TMED5: variants seen among roughly 807,000 people sequenced by gnomAD.
TMED5 encodes transmembrane emp24 domain-containing protein 5.
Under a neutral mutation model 23.0 loss-of-function variants are expected in TMED5, and 27 were observed. The ratio of observed to expected loss-of-function variants is 1.17; its 90% confidence interval spans 0.86 to 1.62. TMED5 has a LOEUF of 1.62. TMED5 is among the 40% of genes most tolerant of loss of function. The probability of loss-of-function intolerance (pLI) is 0.00; values close to 1 mark genes in which losing one functional copy is unlikely to be tolerated. For synonymous variants in TMED5, 97 were observed against 100.8 expected (o/e 0.96, Z 0.23); for missense variants, 248 against 273.7 (o/e 0.91, Z 0.66).
At chr1:93,157,367 T>C (rs999854674) in intron 2 of TMED5, among the ~76,000 whole-genome samples, 1 of 152,182 alleles carries the variant, frequency 6.6e-6, no homozygotes, top group Non-Finnish European at 1.5e-5. Flanking sequence ...TGCCAAGTGC[T>C]GAAGAAAAAA....
chr1:93,162,505 G>A (rs4847402), intron 1 of TMED5: 80,258 of 152,300 alleles, frequency 0.53, 24,319 homozygotes, highest in South Asian at 0.68. Context: ...GCCGAGGCAG[G>A]AGAACTGCTT....
chr1:93,175,026 C>T (rs562676321), intron 1 of TMED5, among the ~76,000 whole-genome samples: 2 of 144,708 alleles, frequency 1.4e-5, no homozygotes, highest in Non-Finnish European at 3.0e-5. Context: ...TTGCTGGAGA[C>T]CCTATCTCTT....
rs1181952889 is a variant in TMED5 at position 93,169,491 on chromosome 1, C to A, written c.190-9265G>T. ...ATGTAAAATCAATAATGTAGACATC[C>A]ACCTTAGGAAGCCAGAGAAAGAACA... On this transcript the variant is annotated intron_variant, in intron 1 of 3. Transcript: ENST00000370282. Among the ~76,000 whole-genome samples, 7 of 151,244 alleles carry A rather than the reference C, an allele frequency of 4.6e-5. No individual in the cohort carries two copies. In the East Asian group the frequency reaches 1.4e-3, roughly 29 times the overall value.
intron 1 of TMED5, among the ~76,000 whole-genome samples, chr1:93,165,174 C>T (rs1459570751): frequency 1.3e-5 from 2 of 152,158 alleles, no homozygotes; most frequent in Non-Finnish European, 2.9e-5. Context: ...GAGTAGAAGA[C>T]CCAGTTAAGC....
intron 1 of TMED5, among the ~76,000 whole-genome samples, chr1:93,170,494 C>G (rs2101156043): frequency 6.6e-6 from 1 of 152,350 alleles, no homozygotes; most frequent in South Asian, 2.1e-4. Context: ...CCCGCCATGC[C>G]TGAGCCTCCC....
At position 93,160,160 on chromosome 1, in the gene TMED5, A is replaced by G. The variant is rs1277672934; in HGVS notation, c.256T>C (p.Phe86Leu). ...LASPEGKTLV[F>L]EQRKSDGVHT... ...ACTCCATCTGATTTTCTTTGTTCAA[A>G]AACTAAGGTTTTGCCTTCTGGAGAG... Residue 86 changes from phenylalanine to leucine, a missense_variant, in exon 2 of 4, where the codon TTT (phenylalanine) becomes CTT (leucine). Physicochemically the swap from Phe to Leu is conservative, Grantham distance 22. Coordinates refer to ENST00000370282, the MANE Select transcript of TMED5 (RefSeq NM_016040.5). The G allele has an allele frequency of 6.2e-7, 1 of 1,613,130 alleles. No individual in the cohort carries two copies. Among genetic ancestry groups the G allele is most frequent in the Admixed American group, 1.7e-5 (1 of 59,988 alleles).
chr1:93,175,734 T>C lies in TMED5; in HGVS notation c.189+4320A>G, dbSNP rs553498254. Among the ~76,000 whole-genome samples, 3 of 152,254 alleles carry C rather than the reference T, an allele frequency of 2.0e-5. No individual in the cohort carries two copies. The South Asian group carries it at 6.2e-4, about 32-fold the overall frequency. ...TAATAAAAATTTTTAAAAATTGATATAGCTATATTCTCCCAAAAACTCACC... is the reference window on the plus strand; with the variant it reads ...TAATAAAAATTTTTAAAAATTGATACAGCTATATTCTCCCAAAAACTCACC... On this transcript the variant is annotated intron_variant, in intron 1 of 3. Transcript: ENST00000370282.
In TMED5 at chr1:93,154,478, A is replaced by G; in HGVS notation, c.*192T>C. 1 of 580,906 alleles carries G rather than the reference A, an allele frequency of 1.7e-6. No individual in the cohort carries two copies. The highest frequency in any genetic ancestry group is 3.0e-6 in the Non-Finnish European group (1 of 329,904). 36.0% of individuals were successfully genotyped at this position (580,906 alleles called of 1,614,324 possible). The stretch of plus-strand genomic sequence containing the variant: ...ATTCTGCAAAATATTCCTGTTACAC[A>G]CTTAAGTACAACTGGATCAGCAGGA... On this transcript the variant is annotated 3_prime_UTR_variant, in exon 4 of 4. Transcript: ENST00000370282.
chr1:93,176,570 G>T (rs770011797), intron 1 of TMED5, among the ~76,000 whole-genome samples: 1 of 152,042 alleles, frequency 6.6e-6, no homozygotes. Context: ...TCTCGCTCTT[G>T]TCACCGAGGC....
intron 2 of TMED5, among the ~76,000 whole-genome samples, chr1:93,157,079 A>C (rs529576053): frequency 6.6e-6 from 1 of 152,274 alleles, no homozygotes; most frequent in Admixed American, 6.5e-5. Context: ...ATATTTATAC[A>C]TTATTAAAAG....
intron 1 of TMED5, 29 bp from the exon 2 acceptor site, chr1:93,160,255 T>C (rs752269790): frequency 7.3e-7 from 1 of 1,362,942 alleles, no homozygotes; most frequent in East Asian, 2.3e-5. Flanking sequence ...GAGAAAAACA[T>C]ATATTACAAA....
At chr1:93,160,615 T>G (rs1355812850) in intron 1 of TMED5, 2 of 158,822 alleles carry the variant, frequency 1.3e-5, no homozygotes, top group African/African-American at 4.8e-5. Flanking sequence ...CCCAGCACTT[T>G]GGGAGGCCGA....
At position 93,153,099 on chromosome 1, in the gene TMED5, A is replaced by G. The variant is rs181915341; in HGVS notation, c.*1571T>C. 9 of 152,578 alleles carry G rather than the reference A, an allele frequency of 5.9e-5. No homozygotes were observed. The highest frequency in any genetic ancestry group is 2.0e-4 in the Admixed American group (3 of 15,270). The allele number at this position is 152,578 out of a possible 1,614,324, so 9.5% of individuals were successfully genotyped here. Reference sequence around the variant, plus strand: ...CATTACTAACCTGTTGAGGGGTTCTATACCCCAAATTTTAAGTTTGTTTCT... The same window carrying G: ...CATTACTAACCTGTTGAGGGGTTCTGTACCCCAAATTTTAAGTTTGTTTCT... On this transcript the variant is annotated 3_prime_UTR_variant, in exon 4 of 4. Coordinates refer to ENST00000370282, the MANE Select transcript of TMED5 (RefSeq NM_016040.5).
chr1:93,158,903 G>A (rs752730041), intron 2 of TMED5: 24 of 932,406 alleles, frequency 2.6e-5, no homozygotes, highest in East Asian at 1.2e-4. Context: ...AGAGAAAACA[G>A]TTAATTCCAA....
At chr1:93,179,975 A>C in intron 1 of TMED5, 79 bp downstream of exon 1, 1 of 1,434,598 alleles carries the variant, frequency 7.0e-7, no homozygotes, top group African/African-American at 1.5e-5. Flanking sequence ...CGTCCACCAG[A>C]AGTTTCTAAA....
intron 3 of TMED5, among the ~76,000 whole-genome samples, chr1:93,155,225 G>A (rs1648022658): frequency 3.3e-5 from 5 of 152,056 alleles, no homozygotes; most frequent in Admixed American, 2.6e-4. Flanking sequence ...GTGAGACCCT[G>A]TCTCAAAAAA....
At chr1:93,155,156 G>GATCA (rs1449622814) in intron 3 of TMED5, among the ~76,000 whole-genome samples, 2 of 152,106 alleles carry the variant, frequency 1.3e-5, no homozygotes, top group Non-Finnish European at 2.9e-5. Flanking sequence ...AGTCCAGGAG[G>GATCA]TTGAGATTGC....
In TMED5 at chr1:93,154,432, G is replaced by C. The variant is rs1647982199; in HGVS notation, c.*238C>G. 4.1e-6 allele frequency: 2 copies of C among 491,734 alleles called. No homozygotes were observed. Among genetic ancestry groups the C allele is most frequent in the Non-Finnish European group, 3.6e-6 (1 of 279,512 alleles). 30.5% of individuals were successfully genotyped at this position (491,734 alleles called of 1,614,324 possible). A position where few individuals can be genotyped will look rare whatever the true frequency, so the allele number is the denominator to read the frequency against. ...TTAGGAAAATGCAGTTATTAATATG[G>C]CTTCATTCAGTTAAACCTATATTCT... On this transcript the variant is annotated 3_prime_UTR_variant, in exon 4 of 4. Transcript: ENST00000370282.
Position 93,154,043 on chromosome 1 carries a change from T to C in TMED5, c.*627A>G, listed in dbSNP as rs1056710250. ...TCGTGAAAATGTCAGCTTTTGGGAATGTAAGCAAAGTACAAAGACTAATGC... is the reference window on the plus strand; with the variant it reads ...TCGTGAAAATGTCAGCTTTTGGGAACGTAAGCAAAGTACAAAGACTAATGC... On this transcript the variant is annotated 3_prime_UTR_variant, in exon 4 of 4. Transcript: ENST00000370282. The C allele has an allele frequency of 2.6e-5, 4 of 152,580 alleles. No homozygotes were observed. The highest frequency in any genetic ancestry group is 4.4e-5 in the Non-Finnish European group (3 of 67,982). The allele number at this position is 152,580 out of a possible 1,614,324, so 9.5% of individuals were successfully genotyped here. A position where few individuals can be genotyped will look rare whatever the true frequency, so the allele number is the denominator to read the frequency against.
Sources: gnomAD v4.1 joint callset for allele counts (sites outside exome capture counted in the v4.1 genomes callset) on GRCh38, gnomAD v4.1.1 for gene constraint, MANE v1.5 for transcripts, NCBI Gene and HGNC (gene_info 2026-07-23, HGNC 2026-07-21) for gene names.